The following NAV2 variants were observed in gnomAD, a reference collection of about 807,000 sequenced individuals.
The protein encoded by NAV2 is helicase, APC down-regulated 1.
Under a neutral mutation model 223.2 loss-of-function variants are expected in NAV2, and 54 were observed. That is an observed-to-expected ratio of 0.24 (90% CI 0.19 to 0.30). The LOEUF is 0.30. Ranked by LOEUF, NAV2 falls within the 10% of genes least tolerant of loss-of-function variation. The pLI, the probability that NAV2 is intolerant of heterozygous loss-of-function variation, is 1.00. For synonymous variants in NAV2, 1,279 were observed against 1,239.3 expected (o/e 1.03, Z -0.67); for missense variants, 2,806 against 3,147.5 (o/e 0.89, Z 2.60).
chr11:19,899,073 A>G (rs979803133), intron 6 of NAV2, among the ~76,000 whole-genome samples: 12 of 152,190 alleles, frequency 7.9e-5, no homozygotes, highest in African/African-American at 1.9e-4. Flanking sequence ...TGAGGTGTGA[A>G]TGAATTCTTC....
At chr11:19,447,646 A>G (rs1328614040) in intron 1 of NAV2, among the ~76,000 whole-genome samples, 6 of 152,322 alleles carry the variant, frequency 3.9e-5, no homozygotes, top group African/African-American at 1.4e-4. Context: ...TGGGGTAAAT[A>G]TCAAGCACTC....
Position 20,070,917 on chromosome 11 carries a change from C to T in NAV2, c.4983+2519C>T, listed in dbSNP as rs1390050680. On this transcript the variant is annotated intron_variant, in intron 22 of 37. Transcript: ENST00000349880. ...TGTTTTCTTTTTAAGCTTGCAAAAA[C>T]ACCTTCTCAATAGCAGTCTTCATGG... Among the ~76,000 whole-genome samples the T allele has an allele frequency of 3.3e-5, 5 of 152,152 alleles. No individual in the cohort carries two copies. In the East Asian group the frequency reaches 9.6e-4, roughly 29 times the overall value.
intron 1 of NAV2, among the ~76,000 whole-genome samples, chr11:19,412,113 AC>A (rs1850170629): frequency 1.3e-5 from 2 of 152,130 alleles, no homozygotes; most frequent in South Asian, 4.1e-4. Context: ...AGCCAGGGAG[AC>A]AAGTGGTCTA....
intron 6 of NAV2, among the ~76,000 whole-genome samples, chr11:19,908,553 G>T (rs956017273): frequency 6.6e-6 from 1 of 152,194 alleles, no homozygotes; most frequent in Admixed American, 6.5e-5. Flanking sequence ...GTCTAATATG[G>T]TAGCCACTAG....
chr11:19,405,290 C>A (rs949461020), intron 1 of NAV2, among the ~76,000 whole-genome samples: 3 of 152,162 alleles, frequency 2.0e-5, no homozygotes, highest in African/African-American at 4.8e-5. Context: ...AATAGGGAAG[C>A]AGATGTTTGG....
At chr11:19,645,024 A>G (rs1339771386) in intron 1 of NAV2, among the ~76,000 whole-genome samples, 1 of 152,242 alleles carries the variant, frequency 6.6e-6, no homozygotes, top group African/African-American at 2.4e-5. Context: ...ATAACAAATT[A>G]TGAAAATTTT....
intron 1 of NAV2, among the ~76,000 whole-genome samples, chr11:19,535,678 T>C (rs556149329): frequency 1.3e-5 from 2 of 152,332 alleles, no homozygotes; most frequent in East Asian, 3.9e-4. Context: ...TCACAGGGTC[T>C]CATCATTCCT....
At chr11:19,784,114 C>T (rs995467875) in intron 1 of NAV2, among the ~76,000 whole-genome samples, 3 of 151,470 alleles carry the variant, frequency 2.0e-5, no homozygotes, top group Admixed American at 6.6e-5. Flanking sequence ...ATTGGCCAGT[C>T]GCAGTGGCTT....
chr11:19,654,490 T>C (rs1044925660), intron 1 of NAV2, among the ~76,000 whole-genome samples: 1 of 152,100 alleles, frequency 6.6e-6, no homozygotes. Context: ...GACTTCAAAC[T>C]ATACTACAAG....
At chr11:19,951,605 GTCTT>G (rs1228645446) in intron 10 of NAV2, among the ~76,000 whole-genome samples, 1 of 151,882 alleles carries the variant, frequency 6.6e-6, no homozygotes, top group Non-Finnish European at 1.5e-5. Flanking sequence ...TGTCGAACCA[GTCTT>G]TCAATTCTAA....
rs866671310 is a variant in NAV2, at chr11:19,584,891, G to A, written c.75+233864G>A. Among the ~76,000 whole-genome samples, 402 of 152,210 alleles carry A rather than the reference G, an allele frequency of 2.6e-3. 2 individuals carry two copies. The highest frequency in any genetic ancestry group is 9.3e-3 in the African/African-American group (387 of 41,540). On this transcript the variant is annotated intron_variant, in intron 1 of 37. Transcript: ENST00000360655. ...GTGGAGAGTTCTGTAGATGTCTATT[G>A]GGTCCGCTTGGTGCAGAGCTGAGTT...
intron 1 of NAV2, among the ~76,000 whole-genome samples, chr11:19,594,861 G>A (rs2046163787): frequency 6.6e-6 from 1 of 152,202 alleles, no homozygotes; most frequent in Non-Finnish European, 1.5e-5. Flanking sequence ...AGGATTAAAT[G>A]AGATATTGCA....
chr11:19,947,511 CACTG>C lies in NAV2; in HGVS notation c.2255+1006_2255+1009del, dbSNP rs368080492. 3.1e-3 allele frequency among the ~76,000 whole-genome samples: 465 copies of C among 152,326 alleles called. 4 individuals are homozygous for C. The highest frequency in any genetic ancestry group is 0.011 in the African/African-American group (445 of 41,580). ...TCCCTTTTTCCACCATCGTCACTGA[CACTG>C]ACTTAATGTTGGCATAGCAGTTTGA... On this transcript the variant is annotated intron_variant, in intron 9 of 37. Transcript: ENST00000349880.
At chr11:19,905,393 A>G (rs540257790) in intron 6 of NAV2, among the ~76,000 whole-genome samples, 1 of 152,322 alleles carries the variant, frequency 6.6e-6, no homozygotes, top group East Asian at 1.9e-4. Flanking sequence ...TAAGAGCCAG[A>G]TAGGAATGTT....
At chr11:19,776,018 A>G (rs1164127008) in intron 1 of NAV2, among the ~76,000 whole-genome samples, 1 of 152,212 alleles carries the variant, frequency 6.6e-6, no homozygotes, top group Non-Finnish European at 1.5e-5. Flanking sequence ...AATGAAAAAG[A>G]TTAGGACCAA....
chr11:19,665,345 C>G (rs1415529944), intron 1 of NAV2, among the ~76,000 whole-genome samples: 2 of 152,186 alleles, frequency 1.3e-5, no homozygotes, highest in Non-Finnish European at 2.9e-5. Flanking sequence ...GGAGCCGATG[C>G]TGTTTCTGAG....
At chr11:20,067,877 A>T (rs779804930) in intron 20 of NAV2, among the ~76,000 whole-genome samples, 1 of 151,958 alleles carries the variant, frequency 6.6e-6, no homozygotes. Context: ...TGGCCTTCTT[A>T]TCACATATCT....
intron 29 of NAV2, among the ~76,000 whole-genome samples, chr11:20,095,346 G>A (rs1030622223): frequency 2.0e-5 from 3 of 152,210 alleles, no homozygotes; most frequent in Admixed American, 6.5e-5. Flanking sequence ...TTTGAAAAGA[G>A]AGAGATGCTA....
At chr11:19,776,944 C>T (rs1370891627) in intron 1 of NAV2, among the ~76,000 whole-genome samples, 3 of 152,028 alleles carry the variant, frequency 2.0e-5, no homozygotes, top group African/African-American at 2.4e-5. Flanking sequence ...ACGCCCTCCC[C>T]GAAATAGTTA....
Sources: allele counts gnomAD v4.1 joint callset (sites outside exome capture counted in the v4.1 genomes callset), GRCh38; gene constraint gnomAD v4.1.1; transcripts MANE v1.5; gene names NCBI Gene and HGNC (gene_info 2026-07-23, HGNC 2026-07-21).